Variants in DNAH8 observed in about 807,000 individuals in gnomAD.
DNAH8 encodes the protein axonemal beta dynein heavy chain 8.
A neutral mutation model predicts 562.1 loss-of-function variants in DNAH8; 382 were observed. The observed-to-expected ratio is 0.68, with a 90% CI of 0.63 to 0.74. The LOEUF (loss-of-function observed/expected upper bound fraction) is 0.74, where lower values mean the gene tolerates loss of function less well. Ranked by LOEUF, DNAH8 falls within the 30% of genes least tolerant of loss-of-function variation. The pLI is 0.00. For missense variants in DNAH8, 5,203 were observed against 5,620.4 expected (o/e 0.93, Z 2.37); for synonymous variants, 1,881 against 1,919.4 (o/e 0.98, Z 0.52).
intron 52 of DNAH8, among the ~76,000 whole-genome samples, chr6:38,874,050 CTTTCTTTCTTTCTTTCTT>C (rs1334000561): frequency 0.046 from 1,447 of 31,184 alleles, 342 homozygotes; most frequent in African/African-American, 0.059. Context: ...TTCTTTCTTT[CTTTCTTTCTTTCTTTCTT>C]TTTCTTTCTT....
At chr6:38,730,110 A>G (rs1763548775) in intron 4 of DNAH8, 124 bp downstream of exon 4, 6 of 576,204 alleles carry the variant, frequency 1.0e-5, no homozygotes, top group Admixed American at 3.4e-5. Flanking sequence ...AAGTTTATGT[A>G]TAAGAAATAT....
At chr6:38,748,030 A>G (rs912360420) in intron 8 of DNAH8, among the ~76,000 whole-genome samples, 4 of 152,184 alleles carry the variant, frequency 2.6e-5, no homozygotes, top group Admixed American at 1.3e-4. Context: ...TTATTTATCT[A>G]TTATCCCAGA....
chr6:38,870,131 C>CT (rs2150427466), intron 48 of DNAH8, among the ~76,000 whole-genome samples: 1 of 152,292 alleles, frequency 6.6e-6, no homozygotes, highest in Admixed American at 6.5e-5. Context: ...CAGGGAAAGA[C>CT]TTGCCCCCAT....
chr6:38,954,290 A>G (rs1561910162), intron 82 of DNAH8, among the ~76,000 whole-genome samples: 1 of 152,244 alleles, frequency 6.6e-6, no homozygotes. Flanking sequence ...CAAACGAAAG[A>G]GAACAAATAC....
chr6:38,779,771 T>C (rs1195173582), intron 14 of DNAH8, among the ~76,000 whole-genome samples, 195 bp from the exon 15 acceptor site: 1 of 152,236 alleles, frequency 6.6e-6, no homozygotes, highest in Admixed American at 6.5e-5. Context: ...GATGTCTGTC[T>C]TTTCCATAAG....
chr6:38,883,454 C>G lies in DNAH8; in HGVS notation c.8134C>G (p.Gln2712Glu). ...FSSATEPMMF[Q>E]RTIESYVDKR... ...ATCTGCCACAGAACCAATGATGTTT[C>G]AGGTGAAATCCATCATTTGCTGTAA... The change falls in exon 55 of 93, where the codon CAG (glutamine) becomes GAG (glutamate). Residue 2712 changes from glutamine (Q) to glutamate (E), a missense_variant and splice_region_variant. This residue lies in a region of DNAH8 where 977 missense variants were observed against 1,061.8 expected (regional missense o/e 0.92). Coordinates refer to ENST00000327475, the MANE Select transcript of DNAH8 (RefSeq NM_001206927.2). The G allele has an allele frequency of 1.2e-6, 2 of 1,604,352 alleles. No homozygotes were observed. The highest frequency in any genetic ancestry group is 1.7e-6 in the Non-Finnish European group (2 of 1,176,396).
rs988545324 is a variant in DNAH8 at position 38,984,141 on chromosome 6, C to A, written c.12952-65C>A. The A allele has an allele frequency of 4.3e-6, 4 of 923,596 alleles. No individual in the cohort carries two copies. The African/African-American group carries it at 5.0e-5, about 12-fold the overall frequency. 57.2% of individuals were successfully genotyped at this position (923,596 alleles called of 1,614,324 possible). A position where few individuals can be genotyped will look rare whatever the true frequency, so the allele number is the denominator to read the frequency against. On this transcript the variant is annotated intron_variant, in intron 86 of 92. Transcript: ENST00000327475. ...TCCAGACCTTTCCTCTAGGGAAAGA[C>A]CCGAAATGTTTATAATGATGTGTTT...
At position 38,917,360 on chromosome 6, in the gene DNAH8, A is replaced by T; in HGVS notation, c.10262A>T (p.Asp3421Val). ...AAGAAAATTGACCCTGTTACTATGG[A>T]TCCAGAAAAATCTTGCTGTAAGCCA... ...FQKKIDPVTM[D>V]PEKSCCKPSW... is the part of the protein sequence containing the mutation. The change falls in exon 69 of 93, where the codon GAT becomes GTT. Residue 3421 changes from aspartate to valine, a missense_variant. Asp to Val is a radical substitution (Grantham distance 152). Coordinates refer to ENST00000327475, the MANE Select transcript of DNAH8 (RefSeq NM_001206927.2). 6.2e-7 allele frequency: 1 copy of T among 1,613,676 alleles called. No homozygotes were observed. Among genetic ancestry groups the T allele is most frequent in the Non-Finnish European group, 8.5e-7 (1 of 1,179,704 alleles).
intron 52 of DNAH8, among the ~76,000 whole-genome samples, chr6:38,873,727 T>TACACACAC (rs762717515): frequency 0.065 from 6,212 of 96,176 alleles, 151 homozygotes; most frequent in Admixed American, 0.095. Flanking sequence ...CACATACACC[T>TACACACAC]ACACACACAC....
intron 53 of DNAH8, among the ~76,000 whole-genome samples, chr6:38,881,130 GA>G (rs34216575): frequency 0.28 from 42,968 of 151,918 alleles, 7,147 homozygotes; most frequent in East Asian, 0.81. Flanking sequence ...TGCCGTAATA[GA>G]GCACCTAGAG....
At chr6:38,923,236 A>G (rs1318982930) in intron 72 of DNAH8, 51 bp downstream of exon 72, 9 of 1,601,898 alleles carry the variant, frequency 5.6e-6, no homozygotes, top group Non-Finnish European at 6.8e-6. Flanking sequence ...GACATTAGAG[A>G]ACATAAAGTC....
intron 30 of DNAH8, among the ~76,000 whole-genome samples, chr6:38,830,545 G>A (rs527596410): frequency 4.1e-5 from 6 of 147,206 alleles, no homozygotes; most frequent in African/African-American, 1.5e-4. Context: ...TGAGGCAGGA[G>A]AAAGACGTGA....
intron 37 of DNAH8, among the ~76,000 whole-genome samples, chr6:38,849,367 C>T (rs1775557510): frequency 6.6e-6 from 1 of 152,112 alleles, no homozygotes; most frequent in Non-Finnish European, 1.5e-5. Flanking sequence ...AGCAAGAAAA[C>T]AGCCTTGGGA....
At chr6:38,840,695 T>C (rs1774708576) in intron 33 of DNAH8, among the ~76,000 whole-genome samples, 1 of 152,200 alleles carries the variant, frequency 6.6e-6, no homozygotes, top group Non-Finnish European at 1.5e-5. Flanking sequence ...GGAAACACAT[T>C]TCTTTGTCAA....
In DNAH8 at chr6:38,791,687, T is replaced by C. The variant is rs761391171; in HGVS notation, c.2901+13T>C. On this transcript the variant is annotated intron_variant, in intron 21 of 92. Transcript: ENST00000327475. Reference sequence around the variant, plus strand: ...GACCCTCAATGAGGTATGCATTTGTTCATTAAATTAGAATCACAAAAATAT... The same window carrying C: ...GACCCTCAATGAGGTATGCATTTGTCCATTAAATTAGAATCACAAAAATAT... 2 of 1,603,620 alleles carry C rather than the reference T, an allele frequency of 1.2e-6. No homozygotes were observed. Among genetic ancestry groups the C allele is most frequent in the South Asian group, 2.3e-5 (2 of 87,808 alleles).
chr6:38,898,119 T>C, intron 60 of DNAH8, 139 bp from the exon 61 acceptor site: 1 of 770,534 alleles, frequency 1.3e-6, no homozygotes, highest in Non-Finnish European at 2.0e-6. Flanking sequence ...GACTAATACG[T>C]GAGAAACCTC....
At chr6:38,838,225 C>T (rs190396344) in intron 33 of DNAH8, among the ~76,000 whole-genome samples, 183 bp downstream of exon 33, 111 of 152,244 alleles carry the variant, frequency 7.3e-4, no homozygotes, top group African/African-American at 2.5e-3. Context: ...ACAAAAGAAA[C>T]GTTCTAGGGG....
intron 78 of DNAH8, 55 bp from the exon 79 acceptor site, chr6:38,938,742 GT>G: frequency 7.4e-7 from 1 of 1,350,654 alleles, no homozygotes. Flanking sequence ...GAACTTGAAA[GT>G]TTTTTAAAAA....
intron 30 of DNAH8, among the ~76,000 whole-genome samples, chr6:38,828,562 G>A (rs1015755690): frequency 2.0e-5 from 3 of 152,092 alleles, no homozygotes; most frequent in African/African-American, 4.8e-5. Flanking sequence ...TTGTAGCCTA[G>A]CAGCAATAGG....
Sources: gnomAD v4.1 joint callset for allele counts (sites outside exome capture counted in the v4.1 genomes callset) on GRCh38, gnomAD v4.1.1 for gene constraint, gnomAD v4.1.1 regional missense constraint, MANE v1.5 for transcripts, NCBI Gene and HGNC (gene_info 2026-07-23, HGNC 2026-07-21) for gene names.